RIC1: variants seen among roughly 807,000 people sequenced by gnomAD.
RIC1 encodes the protein RIC1 partner of RAB6A GEF complex.
In RIC1, 88 loss-of-function variants were observed where a neutral mutation model predicts 169.0. That is an observed-to-expected ratio of 0.52 (90% confidence interval 0.44 to 0.62). The LOEUF is 0.62. Among genes scored for constraint, RIC1 ranks in the 20% least tolerant of loss-of-function variants. The pLI is 0.00. For missense variants in RIC1, 1,877 were observed against 1,725.5 expected (o/e 1.09, Z -1.56); for synonymous variants, 790 against 601.5 (o/e 1.31, Z -4.59).
chr9:5,768,893 C>G, intron 21 of RIC1, 77 bp from the exon 22 acceptor site: 1 of 1,441,562 alleles, frequency 6.9e-7, no homozygotes, highest in Non-Finnish European at 9.3e-7. Flanking sequence ...TCAGCTTTAT[C>G]AGTACCTCTG....
At chr9:5,672,879 C>G (rs998047493) in intron 2 of RIC1, among the ~76,000 whole-genome samples, 1 of 152,030 alleles carries the variant, frequency 6.6e-6, no homozygotes, top group African/African-American at 2.4e-5. Flanking sequence ...ACTACTAACC[C>G]TGGAAACTTA....
chr9:5,698,315 T>A (rs532670094), intron 3 of RIC1, among the ~76,000 whole-genome samples: 15 of 152,220 alleles, frequency 9.9e-5, no homozygotes, highest in Non-Finnish European at 2.1e-4. Context: ...GTGGTTTGAT[T>A]TTTGGTTTTT....
rs777063664 is a variant in RIC1, at chr9:5,746,039, T to A, written c.1204T>A (p.Leu402Ile). The part of the protein sequence containing the change: ...RSVVKQPSIL[L>I]FQFIKSVLTV... ...TGTAGTTAAACAGCCCAGCATCCTG[T>A]TATTTCAGTTTATTAAGAGTGTACT... The change falls in exon 11 of 26, where the codon TTA becomes ATA. Residue 402 changes from leucine (L) to isoleucine (I), a missense_variant. This residue lies in a region of RIC1 where 1,104 missense variants were observed against 992.0 expected (regional missense o/e 1.11). Transcript: ENST00000414202. 38 of 1,613,566 alleles carry A rather than the reference T, an allele frequency of 2.4e-5. No homozygotes were observed. The highest frequency in any genetic ancestry group is 3.1e-5 in the Non-Finnish European group (36 of 1,179,650).
rs765700538 is a variant in RIC1 at position 5,746,063 on chromosome 9, C to A, written c.1228C>A (p.Leu410Ile). Residue 410 changes from leucine (L) to isoleucine (I), a missense_variant, in exon 11 of 26, where the codon CTC (leucine) becomes ATC (isoleucine). Transcript: ENST00000414202. ...GTTATTTCAGTTTATTAAGAGTGTACTCACTGTAAACCCTTGTATGGTAAG... is the reference window on the plus strand; with the variant it reads ...GTTATTTCAGTTTATTAAGAGTGTAATCACTGTAAACCCTTGTATGGTAAG... ...ILLFQFIKSV[L>I]TVNPCMSNQE... The A allele has an allele frequency of 6.2e-7, 1 of 1,613,320 alleles. No individual in the cohort carries two copies. The highest frequency in any genetic ancestry group is 8.5e-7 in the Non-Finnish European group (1 of 1,179,494).
chr9:5,679,464 A>G (rs762319693), intron 2 of RIC1, among the ~76,000 whole-genome samples: 51 of 152,262 alleles, frequency 3.3e-4, no homozygotes, highest in Admixed American at 5.2e-4. Context: ...GATTCTTCCT[A>G]TCCATGAGCA....
At position 5,775,385 on chromosome 9, in the gene RIC1, CCTT is replaced by C. The variant is rs1257303824; in HGVS notation, c.*1140_*1142del. 2 of 152,142 alleles carry C rather than the reference CCTT, an allele frequency of 1.3e-5. No individual in the cohort carries two copies. The highest frequency in any genetic ancestry group is 2.4e-5 in the African/African-American group (1 of 41,422). 9.4% of individuals were successfully genotyped at this position (152,142 alleles called of 1,614,324 possible). On this transcript the variant is annotated 3_prime_UTR_variant, in exon 26 of 26. Transcript: ENST00000414202. The stretch of plus-strand genomic sequence containing the variant: ...TACATTATGAAAACAACTGCATACT[CCTT>C]AATTGCTTTAAACACCCATCCACTG...
chr9:5,645,648 C>A (rs1039809271), intron 1 of RIC1, among the ~76,000 whole-genome samples: 1 of 152,180 alleles, frequency 6.6e-6, no homozygotes, highest in Non-Finnish European at 1.5e-5. Context: ...TGGAACCACA[C>A]ACTATTTGTC....
chr9:5,665,609 TTGAA>T (rs776779762), intron 2 of RIC1, among the ~76,000 whole-genome samples: 177 of 152,298 alleles, frequency 1.2e-3, no homozygotes, highest in Admixed American at 3.5e-3. Context: ...TTGCTGACCT[TTGAA>T]TGGGGTTTTT....
At chr9:5,751,097 C>T (rs951979563) in intron 12 of RIC1, among the ~76,000 whole-genome samples, 5 of 151,732 alleles carry the variant, frequency 3.3e-5, no homozygotes, top group Admixed American at 6.5e-5. Context: ...TTAGAATCCA[C>T]TTTTGCAGTA....
At chr9:5,778,289 T>C (rs1827688054), downstream of RIC1, among the ~76,000 whole-genome samples, 1 of 152,218 alleles carries the variant, frequency 6.6e-6, no homozygotes, top group African/African-American at 2.4e-5. Context: ...CTTTTTCTTT[T>C]TTGTGGATTC....
intron 1 of RIC1, among the ~76,000 whole-genome samples, chr9:5,646,162 C>A (rs981418002): frequency 6.6e-6 from 1 of 152,018 alleles, no homozygotes; most frequent in Non-Finnish European, 1.5e-5. Flanking sequence ...TTTGCATTTT[C>A]CTAATGGTTA....
At chr9:5,724,969 T>C (rs953736813) in intron 6 of RIC1, among the ~76,000 whole-genome samples, 1 of 152,248 alleles carries the variant, frequency 6.6e-6, no homozygotes, top group South Asian at 2.1e-4. Flanking sequence ...CAGTATTTTA[T>C]TGAGGATTTT....
At chr9:5,666,353 C>G (rs1388528663) in intron 2 of RIC1, among the ~76,000 whole-genome samples, 3 of 152,246 alleles carry the variant, frequency 2.0e-5, no homozygotes, top group African/African-American at 7.2e-5. Flanking sequence ...TTATACATCT[C>G]TGTGGTCTGA....
At chr9:5,644,426 G>GT (rs975209634) in intron 1 of RIC1, among the ~76,000 whole-genome samples, 1 of 152,244 alleles carries the variant, frequency 6.6e-6, no homozygotes, top group East Asian at 1.9e-4. Context: ...TACAAGTGCA[G>GT]TTTTTTTACA....
At chr9:5,651,407 T>C (rs1308200982) in intron 1 of RIC1, among the ~76,000 whole-genome samples, 2 of 152,114 alleles carry the variant, frequency 1.3e-5, no homozygotes, top group African/African-American at 2.4e-5. Context: ...TCAGCTATCT[T>C]GAAGCCCCTC....
intron 14 of RIC1, among the ~76,000 whole-genome samples, 177 bp from the exon 15 acceptor site, chr9:5,754,664 G>T (rs1343356989): frequency 6.6e-6 from 1 of 152,178 alleles, no homozygotes; most frequent in Non-Finnish European, 1.5e-5. Flanking sequence ...CCAGGAGGCG[G>T]AGGTTGCAGG....
chr9:5,653,653 A>G (rs1387322959), intron 1 of RIC1, among the ~76,000 whole-genome samples: 7 of 151,788 alleles, frequency 4.6e-5, no homozygotes, highest in Non-Finnish European at 8.8e-5. Flanking sequence ...GCTGGAGTGC[A>G]ATGGCGCAGT....
intron 3 of RIC1, among the ~76,000 whole-genome samples, chr9:5,697,157 G>C (rs190751667): frequency 7.9e-5 from 12 of 152,288 alleles, no homozygotes; most frequent in Admixed American, 3.3e-4. Context: ...TTCTCTGTGT[G>C]GCTCCCACAT....
In RIC1 at chr9:5,738,462, G is replaced by A. The variant is rs1477153866; in HGVS notation, c.825G>A (p.Gln275=). Residue 275 remains glutamine, a synonymous_variant, in exon 8 of 26, where the codon CAG becomes CAA. Transcript: ENST00000414202. The part of the protein sequence containing the change: ...MAFGCVSGSV[Q]VYTIDNSTGA... ...GTTGTTTTCACAGTGGTTCTGTGCA[G>A]GTCTATACAATAGATAACAGCACTG... The A allele has an allele frequency of 1.1e-5, 18 of 1,602,866 alleles. No individual in the cohort carries two copies. In the East Asian group the frequency reaches 4.0e-4, roughly 36 times the overall value.
Sources: gnomAD v4.1 joint callset for allele counts (sites outside exome capture counted in the v4.1 genomes callset) on GRCh38, gnomAD v4.1.1 for gene constraint, gnomAD v4.1.1 regional missense constraint, MANE v1.5 for transcripts, NCBI Gene and HGNC (gene_info 2026-07-23, HGNC 2026-07-21) for gene names.